The following AFAP1L1 variants were observed in gnomAD, a reference collection of about 807,000 sequenced individuals.
AFAP1L1 encodes actin filament-associated protein 1-like 1.
A neutral mutation model predicts 99.8 loss-of-function variants in AFAP1L1; 77 were observed. That is an observed-to-expected ratio of 0.77 (90% CI 0.64 to 0.93). The LOEUF (loss-of-function observed/expected upper bound fraction) is 0.93. AFAP1L1 is among the 40% of genes least tolerant of loss of function. AFAP1L1 has a pLI of 0.00. For missense variants in AFAP1L1, 893 were observed against 996.8 expected, an observed-to-expected ratio of 0.90 and a Z score of 1.40; for synonymous variants, 373 against 395.3, an observed-to-expected ratio of 0.94 and a Z score of 0.67.
At chr5:149,306,463 G>A (rs768069570) in intron 6 of AFAP1L1, 59 bp downstream of exon 6, 11 of 1,480,540 alleles carry the variant, frequency 7.4e-6, no homozygotes, top group South Asian at 3.7e-5. Flanking sequence ...CAAAGAGCAG[G>A]CCTTGTCCTG....
In AFAP1L1 at chr5:149,341,702, C is replaced by A. The variant is rs1757564763; in HGVS notation, c.*1672C>A. On this transcript the variant is annotated 3_prime_UTR_variant, in exon 19 of 19. Transcript: ENST00000296721. ...AGCCCAGGAGTTTGAGACTGTAGTG[C>A]ACTATGATCACGCCTGTGAATTGCC... The A allele has an allele frequency of 6.6e-6, 1 of 151,864 alleles. No individual in the cohort carries two copies. The allele number at this position is 151,864 out of a possible 1,614,324, so 9.4% of individuals were successfully genotyped here. A position where few individuals can be genotyped will look rare whatever the true frequency, so the allele number is the denominator to read the frequency against.
chr5:149,299,426 C>T, intron 1 of AFAP1L1, 83 bp from the exon 2 acceptor site: 1 of 1,569,858 alleles, frequency 6.4e-7, no homozygotes. Flanking sequence ...TTCCGCCCAA[C>T]TCTAGGTGGT....
Position 149,271,912 on chromosome 5 carries a change from A to C in AFAP1L1, c.-57A>C. The C allele has an allele frequency of 1.7e-6, 2 of 1,201,692 alleles. No individual in the cohort carries two copies. Among genetic ancestry groups the C allele is most frequent in the Non-Finnish European group, 1.0e-6 (1 of 966,098 alleles). 74.4% of individuals were successfully genotyped at this position (1,201,692 alleles called of 1,614,324 possible). On this transcript the variant is annotated 5_prime_UTR_variant, in exon 1 of 19. Transcript: ENST00000296721. Reference sequence around the variant, plus strand: ...AGAGCGCAGCGCGCCGGCCGCTACCAGCCGCGCCGGAGCCCCTGCGCCCTG... The same window carrying C: ...AGAGCGCAGCGCGCCGGCCGCTACCCGCCGCGCCGGAGCCCCTGCGCCCTG...
chr5:149,331,171 TC>T (rs1478895099), intron 16 of AFAP1L1, among the ~76,000 whole-genome samples: 1 of 152,158 alleles, frequency 6.6e-6, no homozygotes, highest in Non-Finnish European at 1.5e-5. Flanking sequence ...GTGCCGTGGT[TC>T]ATGCCTGTAA....
At chr5:149,300,228 CCCT>C in intron 2 of AFAP1L1, 40 bp from the exon 3 acceptor site, 1 of 1,484,350 alleles carries the variant, frequency 6.7e-7, no homozygotes, top group East Asian at 2.3e-5. Flanking sequence ...GAGACCTGGT[CCCT>C]CCTCCTTCAC....
chr5:149,280,945 C>A (rs1166051916), intron 1 of AFAP1L1, among the ~76,000 whole-genome samples: 3 of 152,230 alleles, frequency 2.0e-5, no homozygotes, highest in African/African-American at 7.2e-5. Flanking sequence ...CACATCCAAG[C>A]CCTGGCTCAG....
chr5:149,300,682 A>T (rs1405903094), intron 3 of AFAP1L1, among the ~76,000 whole-genome samples: 1 of 152,232 alleles, frequency 6.6e-6, no homozygotes, highest in African/African-American at 2.4e-5. Context: ...GCTCAGCAGA[A>T]ATGATAGCTT....
rs972955116 is a variant in AFAP1L1 at position 149,334,024 on chromosome 5, C to A, written c.2154+1151C>A. Among the ~76,000 whole-genome samples, 13 of 152,272 alleles carry A rather than the reference C, an allele frequency of 8.5e-5. No individual in the cohort carries two copies. In the East Asian group the frequency reaches 2.3e-3, roughly 27 times the overall value. On this transcript the variant is annotated intron_variant, in intron 17 of 18. Coordinates refer to ENST00000296721, the MANE Select transcript of AFAP1L1 (RefSeq NM_152406.4). ...CATTTGTTTATCATTACATTCCAGA[C>A]CCTTTACAGAAAAATAGTAGGAGTA...
At chr5:149,312,814 G>A (rs888704960) in intron 9 of AFAP1L1, among the ~76,000 whole-genome samples, 13 of 151,258 alleles carry the variant, frequency 8.6e-5, no homozygotes, top group Non-Finnish European at 1.3e-4. Context: ...AAGAGAGAGA[G>A]AGAAAGAAAG....
At position 149,312,387 on chromosome 5, in the gene AFAP1L1, A is replaced by G. The variant is rs1756662547; in HGVS notation, c.1020+183A>G. 3 of 675,370 alleles carry G rather than the reference A, an allele frequency of 4.4e-6. No individual in the cohort carries two copies. In the South Asian group the frequency reaches 4.9e-5, roughly 11 times the overall value. 41.8% of individuals were successfully genotyped at this position (675,370 alleles called of 1,614,324 possible). On this transcript the variant is annotated intron_variant, in intron 9 of 18. Coordinates refer to ENST00000296721, the MANE Select transcript of AFAP1L1 (RefSeq NM_152406.4). ...GTCTCCTGAATTCATGAATGCATGA[A>G]CAAACGAGTGCTTATGCCCAAAGTG...
Position 149,312,182 on chromosome 5 carries a change from T to C in AFAP1L1, c.998T>C (p.Leu333Pro). 3.7e-6 allele frequency: 6 copies of C among 1,614,180 alleles called. No homozygotes were observed. The highest frequency in any genetic ancestry group is 5.1e-6 in the Non-Finnish European group (6 of 1,180,020). ...GAGGTCCCCAGATCCCCAGTCCTCC[T>C]GTGCAAGTTGGACCTGGACAAGGTA... is the stretch of plus-strand genomic sequence containing the variant. ...GVEVPRSPVLLCKLDLDKRLS... is the reference protein window; with the variant it reads ...GVEVPRSPVLPCKLDLDKRLS... The change falls in exon 9 of 19, where the codon CTG (leucine) becomes CCG (proline). Residue 333 changes from leucine (L) to proline (P), a missense_variant. Coordinates refer to ENST00000296721, the MANE Select transcript of AFAP1L1 (RefSeq NM_152406.4).
chr5:149,307,800 C>T (rs113757768), intron 7 of AFAP1L1, among the ~76,000 whole-genome samples, 187 bp downstream of exon 7: 8 of 150,198 alleles, frequency 5.3e-5, no homozygotes, highest in Admixed American at 2.0e-4. Context: ...CACACACACA[C>T]ACACCCTGTG....
chr5:149,317,973 T>C (rs1253165026), intron 12 of AFAP1L1, 33 bp downstream of exon 12: 6 of 1,548,804 alleles, frequency 3.9e-6, no homozygotes, highest in African/African-American at 1.4e-5. Context: ...GGGTGGCTCT[T>C]GGTCTGGGGA....
At chr5:149,286,249 A>G (rs1481012190) in intron 1 of AFAP1L1, among the ~76,000 whole-genome samples, 2 of 152,118 alleles carry the variant, frequency 1.3e-5, no homozygotes, top group Non-Finnish European at 2.9e-5. Context: ...CCTGTGAGGA[A>G]TAAGTATTAT....
At chr5:149,285,882 C>T (rs1755663430) in intron 1 of AFAP1L1, among the ~76,000 whole-genome samples, 1 of 152,146 alleles carries the variant, frequency 6.6e-6, no homozygotes, top group Non-Finnish European at 1.5e-5. Context: ...GTCTGTGGTC[C>T]TTTCTATGAA....
In AFAP1L1 at chr5:149,342,500, TAATA is replaced by T. The variant is rs1757583868; in HGVS notation, c.*2475_*2478del. Among the ~76,000 whole-genome samples the T allele has an allele frequency of 6.6e-6, 1 of 152,230 alleles. No homozygotes were observed. Among genetic ancestry groups the T allele is most frequent in the Non-Finnish European group, 1.5e-5 (1 of 68,038 alleles). On this transcript the variant is annotated 3_prime_UTR_variant, in exon 19 of 19. Transcript: ENST00000296721. ...CAACATTCAGAAGCACACTAGCACT[TAATA>T]AATAGACGAATGAATGCATGGATGC...
At chr5:149,300,705 C>T (rs1049459802) in intron 3 of AFAP1L1, among the ~76,000 whole-genome samples, 2 of 152,354 alleles carry the variant, frequency 1.3e-5, no homozygotes, top group South Asian at 2.1e-4. Flanking sequence ...ATGGCTGCCA[C>T]GGGCATGGGA....
Position 149,271,998 on chromosome 5 carries a change from C to T in AFAP1L1, c.16+14C>T. 8.1e-7 allele frequency: 1 copy of T among 1,239,082 alleles called. No homozygotes were observed. The highest frequency in any genetic ancestry group is 3.2e-5 in the East Asian group (1 of 31,612). The allele number at this position is 1,239,082 out of a possible 1,614,324, so 76.8% of individuals were successfully genotyped here. A position where few individuals can be genotyped will look rare whatever the true frequency, so the allele number is the denominator to read the frequency against. On this transcript the variant is annotated intron_variant, in intron 1 of 18. Transcript: ENST00000296721. The stretch of plus-strand genomic sequence containing the variant: ...ACCGAGGCCAGGGTAAGAGGGGCCG[C>T]GACGCCCGCACTTGTTGCGGCGCCG...
chr5:149,273,715 T>C (rs1275521728), intron 1 of AFAP1L1, among the ~76,000 whole-genome samples: 2 of 152,128 alleles, frequency 1.3e-5, no homozygotes, highest in Admixed American at 1.3e-4. Context: ...TCAGTCCTGC[T>C]GTTCCCACCT....
Sources: gnomAD v4.1 joint callset for allele counts (sites outside exome capture counted in the v4.1 genomes callset) on GRCh38, gnomAD v4.1.1 for gene constraint, MANE v1.5 for transcripts, NCBI Gene and HGNC (gene_info 2026-07-23, HGNC 2026-07-21) for gene names.